VPS54: variants seen among roughly 807,000 people sequenced by gnomAD.
VPS54 encodes the protein vacuolar protein sorting-associated protein 54.
In VPS54, 45 loss-of-function variants were observed where a neutral mutation model predicts 121.5. That is an observed-to-expected ratio of 0.37 (90% CI 0.29 to 0.47). The LOEUF (loss-of-function observed/expected upper bound fraction) is 0.47. Among genes scored for constraint, VPS54 ranks in the 20% least tolerant of loss-of-function variants. The probability of loss-of-function intolerance (pLI) is 0.99; values close to 1 mark genes in which losing one functional copy is unlikely to be tolerated. For missense variants in VPS54, 1,090 were observed against 1,131.4 expected (o/e 0.96, Z 0.52); for synonymous variants, 371 against 385.8 (o/e 0.96, Z 0.45).
chr2:64,002,342 C>G (rs1194834733), intron 1 of VPS54, among the ~76,000 whole-genome samples: 3 of 152,110 alleles, frequency 2.0e-5, no homozygotes, highest in Non-Finnish European at 4.4e-5. Flanking sequence ...TATGAAAGTG[C>G]TTTTGGTGTG....
intron 1 of VPS54, among the ~76,000 whole-genome samples, chr2:64,017,021 TA>T (rs777168254): frequency 0.12 from 12,322 of 100,352 alleles, 1,010 homozygotes; most frequent in African/African-American, 0.28. Context: ...TTTTGTTGAT[TA>T]AAAAAAAAAA....
At chr2:63,972,681 T>C (rs1676341342) in intron 3 of VPS54, among the ~76,000 whole-genome samples, 1 of 151,474 alleles carries the variant, frequency 6.6e-6, no homozygotes, top group Admixed American at 6.6e-5. Context: ...AAGTCAAGAG[T>C]TCAATACTAG....
At chr2:63,931,390 T>C (rs1301981690) in intron 12 of VPS54, among the ~76,000 whole-genome samples, 2 of 151,970 alleles carry the variant, frequency 1.3e-5, no homozygotes, top group Non-Finnish European at 2.9e-5. Flanking sequence ...ACCTGACACA[T>C]ACAAGCAATG....
chr2:63,952,783 T>C (rs1675314201), intron 7 of VPS54, among the ~76,000 whole-genome samples: 1 of 152,208 alleles, frequency 6.6e-6, no homozygotes, highest in Admixed American at 6.5e-5. Flanking sequence ...TAAAACATTG[T>C]CACAAGAGGA....
chr2:63,974,134 C>A (rs1239996258), intron 3 of VPS54, among the ~76,000 whole-genome samples: 1 of 152,124 alleles, frequency 6.6e-6, no homozygotes, highest in Non-Finnish European at 1.5e-5. Context: ...ATGAATAGTG[C>A]AAGGTGGTAT....
intron 17 of VPS54, chr2:63,913,841 T>C (rs1326213071): frequency 5.1e-5 from 55 of 1,068,434 alleles, no homozygotes; most frequent in Non-Finnish European, 5.6e-5. Context: ...GAGATGAATT[T>C]TGTAAAGTTC....
intron 12 of VPS54, among the ~76,000 whole-genome samples, chr2:63,927,943 C>T (rs1054837142): frequency 2.6e-5 from 4 of 151,808 alleles, no homozygotes; most frequent in Non-Finnish European, 5.9e-5. Flanking sequence ...TGAAATAAAG[C>T]GAGAAGACAA....
chr2:63,895,312 G>T (rs998473617), intron 22 of VPS54, among the ~76,000 whole-genome samples: 1 of 152,156 alleles, frequency 6.6e-6, no homozygotes. Context: ...AAAGTAGCCA[G>T]GCGTGGTGGC....
At chr2:63,939,767 C>CT (rs70965152) in intron 11 of VPS54, among the ~76,000 whole-genome samples, 70,806 of 146,540 alleles carry the variant, frequency 0.48, 19,747 homozygotes, top group Non-Finnish European at 0.65. Context: ...TACATCTTGC[C>CT]TTTTTTTTTT....
intron 7 of VPS54, among the ~76,000 whole-genome samples, chr2:63,958,670 C>T (rs1438776336): frequency 3.9e-5 from 6 of 152,056 alleles, no homozygotes; most frequent in African/African-American, 1.2e-4. Flanking sequence ...GAGCTATGAT[C>T]GCACCATTGC....
At chr2:63,921,423 G>T in intron 12 of VPS54, 88 bp from the exon 13 acceptor site, 2 of 1,424,072 alleles carry the variant, frequency 1.4e-6, no homozygotes, top group Non-Finnish European at 9.4e-7. Flanking sequence ...GGATGAAAAA[G>T]CTGTAAAATT....
At chr2:63,945,917 A>G (rs919176582) in intron 9 of VPS54, among the ~76,000 whole-genome samples, 1 of 152,192 alleles carries the variant, frequency 6.6e-6, no homozygotes, top group Non-Finnish European at 1.5e-5. Flanking sequence ...AAATATATAT[A>G]CAGAAAATTG....
At chr2:63,925,903 AC>A (rs1442180399) in intron 12 of VPS54, among the ~76,000 whole-genome samples, 1 of 152,216 alleles carries the variant, frequency 6.6e-6, no homozygotes, top group Non-Finnish European at 1.5e-5. Flanking sequence ...TTACACCAAC[AC>A]ATTCACTTTG....
At chr2:63,999,045 CAA>C (rs1429026841) in intron 1 of VPS54, among the ~76,000 whole-genome samples, 2 of 152,176 alleles carry the variant, frequency 1.3e-5, no homozygotes, top group Non-Finnish European at 2.9e-5. Flanking sequence ...CTCCCAGGTT[CAA>C]GTGATTCTCC....
At position 63,944,593 on chromosome 2, in the gene VPS54, T is replaced by C; in HGVS notation, c.1301+7A>G. On this transcript the variant is annotated splice_region_variant and intron_variant, in intron 10 of 22. Transcript: ENST00000272322. ...TGATAACCACCAACCTATATATTTA[T>C]ACTTACTTCACAACAACATCTGTGT... 6.2e-7 allele frequency: 1 copy of C among 1,605,778 alleles called. No homozygotes were observed. The highest frequency in any genetic ancestry group is 8.5e-7 in the Non-Finnish European group (1 of 1,174,276).
chr2:63,965,463 G>A (rs180839703), intron 6 of VPS54, among the ~76,000 whole-genome samples: 38 of 152,224 alleles, frequency 2.5e-4, no homozygotes, highest in Admixed American at 6.5e-4. Context: ...GCAACAGAGC[G>A]AGACTCCGTC....
intron 1 of VPS54, among the ~76,000 whole-genome samples, chr2:63,993,152 G>C (rs1260271960): frequency 2.6e-5 from 4 of 152,090 alleles, no homozygotes; most frequent in African/African-American, 9.7e-5. Flanking sequence ...TCAATATTTA[G>C]GAATCATGGT....
intron 7 of VPS54, among the ~76,000 whole-genome samples, chr2:63,959,566 G>C (rs1454741063): frequency 6.6e-6 from 1 of 152,130 alleles, no homozygotes; most frequent in African/African-American, 2.4e-5. Context: ...TAGAAAATCA[G>C]AACATCTGAA....
intron 3 of VPS54, among the ~76,000 whole-genome samples, chr2:63,976,825 C>CTTTTTTTTTTTTTT (rs1174931536): frequency 1.0e-4 from 9 of 89,680 alleles, no homozygotes; most frequent in African/African-American, 2.9e-4. Flanking sequence ...TATATCTTCT[C>CTTTTTTTTTTTTTT]TTTTTTTTTT....
Sources: gnomAD v4.1 joint callset for allele counts (sites outside exome capture counted in the v4.1 genomes callset) on GRCh38, gnomAD v4.1.1 for gene constraint, MANE v1.5 for transcripts, NCBI Gene and HGNC (gene_info 2026-07-23, HGNC 2026-07-21) for gene names.